The following MTA3 variants were observed in gnomAD, a reference collection of about 807,000 sequenced individuals.
The protein encoded by MTA3 is metastasis associated 1 family member 3.
In MTA3, 34 loss-of-function variants were observed where a neutral mutation model predicts 83.5. The observed-to-expected ratio is 0.41, with a 90% confidence interval of 0.31 to 0.54. The LOEUF (loss-of-function observed/expected upper bound fraction) is 0.54, where lower values mean the gene tolerates loss of function less well. Ranked by LOEUF, MTA3 falls within the 20% of genes least tolerant of loss-of-function variation. The pLI is 0.33. For missense variants in MTA3, 761 were observed against 726.4 expected (o/e 1.05, Z -0.55); for synonymous variants, 303 against 252.7 (o/e 1.20, Z -1.89).
intron 16 of MTA3, among the ~76,000 whole-genome samples, chr2:42,738,201 G>T (rs1668748864): frequency 6.6e-6 from 1 of 152,160 alleles, no homozygotes; most frequent in East Asian, 1.9e-4. Context: ...GGTCGGAGCT[G>T]CAGTGAGCCA....
intron 6 of MTA3, among the ~76,000 whole-genome samples, chr2:42,645,139 A>G (rs960335723): frequency 3.4e-5 from 5 of 145,546 alleles, no homozygotes; most frequent in African/African-American, 1.0e-4. Flanking sequence ...GTGCTACTCC[A>G]CACTCCAGCC....
At chr2:42,576,424 A>C (rs551217354) in intron 2 of MTA3, among the ~76,000 whole-genome samples, 1 of 152,212 alleles carries the variant, frequency 6.6e-6, no homozygotes, top group Non-Finnish European at 1.5e-5. Context: ...GAAATTGGCT[A>C]GGTAGGGAAA....
upstream of MTA3, among the ~76,000 whole-genome samples, chr2:42,564,779 T>C (rs1677834452): frequency 6.6e-6 from 1 of 151,882 alleles, no homozygotes; most frequent in Non-Finnish European, 1.5e-5. Flanking sequence ...CCAATCTCTT[T>C]TAATTTATTT....
At chr2:42,553,785 TG>T (rs1196973915) in intron 2 of MTA3, among the ~76,000 whole-genome samples, 1 of 147,074 alleles carries the variant, frequency 6.8e-6, no homozygotes, top group Non-Finnish European at 1.5e-5. Context: ...CATGCATACT[TG>T]AGACTTCTTT....
chr2:42,571,630 G>A (rs1254574306), intron 2 of MTA3, among the ~76,000 whole-genome samples: 2 of 152,084 alleles, frequency 1.3e-5, no homozygotes, highest in Non-Finnish European at 2.9e-5. Context: ...TTTAGAAGGA[G>A]GAAGCTAGGG....
At chr2:42,644,278 A>G in intron 6 of MTA3, 34 bp downstream of exon 6, 1 of 1,431,010 alleles carries the variant, frequency 7.0e-7, no homozygotes, top group Non-Finnish European at 9.8e-7. Flanking sequence ...GTTTTGTGAA[A>G]CAAATATATC....
At chr2:42,630,394 A>G (rs1686561737) in intron 4 of MTA3, among the ~76,000 whole-genome samples, 2 of 152,224 alleles carry the variant, frequency 1.3e-5, no homozygotes, top group Admixed American at 6.5e-5. Context: ...ATACAATAAA[A>G]TGTCTGTCTC....
chr2:42,696,837 G>A (rs1451258468), intron 10 of MTA3, among the ~76,000 whole-genome samples: 1 of 152,100 alleles, frequency 6.6e-6, no homozygotes, highest in Non-Finnish European at 1.5e-5. Flanking sequence ...AATTTCCAGT[G>A]TCAATATTAA....
intron 16 of MTA3, among the ~76,000 whole-genome samples, chr2:42,727,675 G>A (rs1042268477): frequency 6.6e-6 from 1 of 152,106 alleles, no homozygotes; most frequent in South Asian, 2.1e-4. Flanking sequence ...ATTGCTTCTT[G>A]TGTGACCTTG....
chr2:42,616,572 CTTTTTTTTT>C (rs70963338), intron 4 of MTA3, among the ~76,000 whole-genome samples: 8 of 56,212 alleles, frequency 1.4e-4, no homozygotes, highest in Admixed American at 3.2e-4. Context: ...TCTTCTTCTT[CTTTTTTTTT>C]TTTTTTTTTT....
At chr2:42,546,962 G>T (rs531180391) in intron 2 of MTA3, among the ~76,000 whole-genome samples, 1 of 152,324 alleles carries the variant, frequency 6.6e-6, no homozygotes, top group East Asian at 1.9e-4. Flanking sequence ...GAGGTGGTAA[G>T]AAACTGCGTA....
rs1409162645 is a variant in MTA3 at position 42,755,259 on chromosome 2, T to C, written c.*1860T>C. On this transcript the variant is annotated 3_prime_UTR_variant, in exon 17 of 17. Transcript: ENST00000405094. ...AAATGATTCCCTCACCCTTTCACTT[T>C]CTCTCTGAACCCCTACTAAGTGGTG... 18 of 985,354 alleles carry C rather than the reference T, an allele frequency of 1.8e-5. No individual in the cohort carries two copies. Among genetic ancestry groups the C allele is most frequent in the Non-Finnish European group, 2.2e-5 (18 of 829,976 alleles). The allele number at this position is 985,354 out of a possible 1,614,324, so 61.0% of individuals were successfully genotyped here. A position where few individuals can be genotyped will look rare whatever the true frequency, so the allele number is the denominator to read the frequency against.
At chr2:42,562,848 G>T (rs1357800828) in intron 2 of MTA3, among the ~76,000 whole-genome samples, 1 of 152,058 alleles carries the variant, frequency 6.6e-6, no homozygotes, top group Non-Finnish European at 1.5e-5. Flanking sequence ...CATCTACCTG[G>T]ATATTTCCAA....
chr2:42,562,594 C>T (rs1677717718), intron 2 of MTA3, among the ~76,000 whole-genome samples: 1 of 152,166 alleles, frequency 6.6e-6, no homozygotes, highest in African/African-American at 2.4e-5. Flanking sequence ...TGGCTCTGCC[C>T]ACACTCTGCC....
upstream of MTA3, among the ~76,000 whole-genome samples, chr2:42,564,834 T>C (rs1174478286): frequency 6.6e-6 from 1 of 152,132 alleles, no homozygotes; most frequent in African/African-American, 2.4e-5. Flanking sequence ...TGGAACACAG[T>C]GGTGTGATCT....
chr2:42,698,844 G>A (rs551696844), intron 11 of MTA3, among the ~76,000 whole-genome samples: 1 of 152,234 alleles, frequency 6.6e-6, no homozygotes, highest in Admixed American at 6.5e-5. Flanking sequence ...AATTTTTACA[G>A]AGTCTGTAAT....
chr2:42,710,981 A>G (rs1666557914), intron 14 of MTA3, among the ~76,000 whole-genome samples: 1 of 152,176 alleles, frequency 6.6e-6, no homozygotes, highest in Non-Finnish European at 1.5e-5. Flanking sequence ...TGGAAGGCTG[A>G]GGCAAGAGAA....
At chr2:42,736,264 T>A (rs1200524727) in intron 16 of MTA3, among the ~76,000 whole-genome samples, 1 of 152,138 alleles carries the variant, frequency 6.6e-6, no homozygotes, top group Non-Finnish European at 1.5e-5. Flanking sequence ...GTTCTCTTCT[T>A]TTACTTTCAC....
Position 42,756,515 on chromosome 2 carries a change from G to T in MTA3, c.*3116G>T. The T allele has an allele frequency of 1.0e-6, 1 of 985,738 alleles. No homozygotes were observed. The highest frequency in any genetic ancestry group is 1.2e-6 in the Non-Finnish European group (1 of 830,172). The allele number at this position is 985,738 out of a possible 1,614,324, so 61.1% of individuals were successfully genotyped here. On this transcript the variant is annotated 3_prime_UTR_variant, in exon 17 of 17. Transcript: ENST00000405094. ...TGCACTCGGTGTCATGTCTGAGCCT[G>T]GTGTTTATGCCCCACTGCTGTCCTA... is the stretch of plus-strand genomic sequence containing the variant.
Sources: allele counts gnomAD v4.1 joint callset (sites outside exome capture counted in the v4.1 genomes callset), GRCh38; gene constraint gnomAD v4.1.1; transcripts MANE v1.5; gene names NCBI Gene and HGNC (gene_info 2026-07-23, HGNC 2026-07-21).